The following FAXC variants were observed in gnomAD, a reference collection of about 807,000 sequenced individuals.
The protein encoded by FAXC is failed axon connections homolog, metaxin like GST domain containing.
FAXC carries 10 observed loss-of-function variants against 41.9 expected under a neutral mutation model. That is an observed-to-expected ratio of 0.24 (90% CI 0.15 to 0.41). The LOEUF (loss-of-function observed/expected upper bound fraction) is 0.41, where lower values mean the gene tolerates loss of function less well. Ranked by LOEUF, FAXC falls within the 10% of genes least tolerant of loss-of-function variation. The probability of loss-of-function intolerance (pLI) is 1.00; values close to 1 mark genes in which losing one functional copy is unlikely to be tolerated. For synonymous variants in FAXC, 183 were observed against 183.8 expected (o/e 1.00, Z 0.03); for missense variants, 399 against 510.9 (o/e 0.78, Z 2.11).
intron 4 of FAXC, among the ~76,000 whole-genome samples, chr6:99,317,067 A>G (rs1407157510): frequency 6.6e-6 from 1 of 152,194 alleles, no homozygotes; most frequent in Non-Finnish European, 1.5e-5. Context: ...AAAGACTGAA[A>G]AATAATGACT....
At chr6:99,282,008 C>T (rs1353093402) in intron 5 of FAXC, among the ~76,000 whole-genome samples, 5 of 152,068 alleles carry the variant, frequency 3.3e-5, no homozygotes, top group Non-Finnish European at 1.5e-5. Flanking sequence ...GGTTTTTATG[C>T]ACATAATAAA....
intron 3 of FAXC, among the ~76,000 whole-genome samples, chr6:99,330,609 G>A (rs1772995719): frequency 6.6e-6 from 1 of 152,120 alleles, no homozygotes; most frequent in Non-Finnish European, 1.5e-5. Flanking sequence ...AATCATGCCT[G>A]GGGTGTTTTT....
intron 3 of FAXC, among the ~76,000 whole-genome samples, chr6:99,327,466 T>C (rs557483848): frequency 2.0e-4 from 31 of 152,302 alleles, no homozygotes; most frequent in African/African-American, 7.2e-4. Context: ...CATCTTTCTA[T>C]ATTCTTGAAC....
intron 4 of FAXC, among the ~76,000 whole-genome samples, chr6:99,315,341 C>A (rs558668115): frequency 1.4e-5 from 2 of 147,952 alleles, no homozygotes; most frequent in African/African-American, 5.0e-5. Flanking sequence ...ATTTCCCCTG[C>A]AAAAAAATTC....
At chr6:99,349,074 G>A (rs751701022) in intron 1 of FAXC, 33 bp downstream of exon 1, 3 of 1,604,910 alleles carry the variant, frequency 1.9e-6, no homozygotes, top group African/African-American at 2.7e-5. Context: ...GCCCCTCTCT[G>A]CGCCCCTGTG....
At chr6:99,295,516 C>A (rs1022140650) in intron 4 of FAXC, among the ~76,000 whole-genome samples, 1 of 152,148 alleles carries the variant, frequency 6.6e-6, no homozygotes, top group Non-Finnish European at 1.5e-5. Context: ...ACCTGAGTAA[C>A]GACGACAGAT....
At chr6:99,285,694 C>A (rs991563553) in intron 5 of FAXC, among the ~76,000 whole-genome samples, 2 of 152,120 alleles carry the variant, frequency 1.3e-5, no homozygotes, top group Non-Finnish European at 2.9e-5. Context: ...TGGTAAGAAA[C>A]AAAGTGATAT....
chr6:99,312,508 A>G (rs1440317724), intron 4 of FAXC, among the ~76,000 whole-genome samples: 2 of 152,194 alleles, frequency 1.3e-5, no homozygotes, highest in African/African-American at 4.8e-5. Flanking sequence ...CTGAAGATAC[A>G]CCAACTTATA....
At chr6:99,315,183 A>T (rs1344168944) in intron 4 of FAXC, among the ~76,000 whole-genome samples, 1 of 138,278 alleles carries the variant, frequency 7.2e-6, no homozygotes, top group Non-Finnish European at 1.5e-5. Flanking sequence ...CAGTGAGCTG[A>T]GAGCACACTA....
chr6:99,302,415 G>A (rs191604755), intron 4 of FAXC, among the ~76,000 whole-genome samples: 3 of 152,198 alleles, frequency 2.0e-5, no homozygotes, highest in African/African-American at 7.2e-5. Flanking sequence ...CAGCACTTTG[G>A]GAGGCCGAGA....
chr6:99,341,898 AATG>A (rs16635), intron 2 of FAXC, among the ~76,000 whole-genome samples: 74,978 of 151,744 alleles, frequency 0.49, 18,798 homozygotes, highest in East Asian at 0.6. Flanking sequence ...TCAAATTAAA[AATG>A]ATAACAAAAA....
chr6:99,313,454 T>C (rs1772222867), intron 4 of FAXC, among the ~76,000 whole-genome samples: 1 of 152,380 alleles, frequency 6.6e-6, no homozygotes, highest in East Asian at 1.9e-4. Context: ...CAAATGTTAA[T>C]ATTCTTTTGT....
rs930003551 is a variant in FAXC, at chr6:99,349,626, C to A, written c.-254G>T. The A allele has an allele frequency of 1.1e-4, 17 of 153,088 alleles. No homozygotes were observed. Among genetic ancestry groups the A allele is most frequent in the Admixed American group, 2.6e-4 (4 of 15,254 alleles). The allele number at this position is 153,088 out of a possible 1,614,324, so 9.5% of individuals were successfully genotyped here. ...GGCAGCAGCGGCCGCCGGCTCCCCC[C>A]GCAGCTGCCTCTCCGCCCCGCTCTT... On this transcript the variant is annotated 5_prime_UTR_variant, in exon 1 of 6. Coordinates refer to ENST00000389677, the MANE Select transcript of FAXC (RefSeq NM_032511.4).
intron 5 of FAXC, among the ~76,000 whole-genome samples, chr6:99,284,961 A>C (rs1408415081): frequency 1.3e-5 from 2 of 151,892 alleles, no homozygotes; most frequent in African/African-American, 4.8e-5. Flanking sequence ...GCAAAATAAT[A>C]GAAAAACTGC....
rs907271596 is a variant in FAXC, at chr6:99,275,639, T to A, written c.*5525A>T. The stretch of plus-strand genomic sequence containing the variant: ...CCAAAACAGCTGAACCCCTTTTTTT[T>A]AAATCTATGCTTCAGTGCCCTCTGT... On this transcript the variant is annotated 3_prime_UTR_variant, in exon 6 of 6. Transcript: ENST00000389677. 1 of 152,300 alleles carries A rather than the reference T, an allele frequency of 6.6e-6. No individual in the cohort carries two copies. The highest frequency in any genetic ancestry group is 3.4e-3 in the Middle Eastern group (1 of 294). 9.4% of individuals were successfully genotyped at this position (152,300 alleles called of 1,614,324 possible).
At chr6:99,296,389 G>A (rs769721472) in intron 4 of FAXC, among the ~76,000 whole-genome samples, 32 of 152,102 alleles carry the variant, frequency 2.1e-4, no homozygotes, top group Non-Finnish European at 2.9e-4. Flanking sequence ...TGAACCATCC[G>A]GTGACTTCCA....
Position 99,272,841 on chromosome 6 carries a change from T to G in FAXC, c.*8323A>C, listed in dbSNP as rs1403760220. The G allele has an allele frequency of 6.6e-6, 1 of 152,168 alleles. No individual in the cohort carries two copies. The highest frequency in any genetic ancestry group is 2.4e-5 in the African/African-American group (1 of 41,436). 9.4% of individuals were successfully genotyped at this position (152,168 alleles called of 1,614,324 possible). On this transcript the variant is annotated 3_prime_UTR_variant, in exon 6 of 6. Transcript: ENST00000389677. ...TATTAGATGCAAACATTTCAGATTT[T>G]CCCCATGAGCCTGAAGTTTAAACAT...
At chr6:99,290,448 T>C (rs1478561130) in intron 5 of FAXC, among the ~76,000 whole-genome samples, 1 of 152,076 alleles carries the variant, frequency 6.6e-6, no homozygotes, top group Non-Finnish European at 1.5e-5. Flanking sequence ...ATGCCTGTAA[T>C]CCTAGCTCTT....
At chr6:99,284,271 G>A (rs573617479) in intron 5 of FAXC, 3 of 152,216 alleles carry the variant, frequency 2.0e-5, no homozygotes, top group African/African-American at 7.2e-5. Context: ...GAGGAGACAG[G>A]TGCCACCCCT....
Sources: gnomAD v4.1 joint callset for allele counts (sites outside exome capture counted in the v4.1 genomes callset) on GRCh38, gnomAD v4.1.1 for gene constraint, MANE v1.5 for transcripts, NCBI Gene and HGNC (gene_info 2026-07-23, HGNC 2026-07-21) for gene names.